The following TGFB2 variants were observed in gnomAD, a reference collection of about 807,000 sequenced individuals.
TGFB2 encodes the protein transforming growth factor beta-2 proprotein.
A neutral mutation model predicts 42.7 loss-of-function variants in TGFB2; 13 were observed. The ratio of observed to expected loss-of-function variants is 0.30; its 90% CI spans 0.20 to 0.48. The LOEUF is 0.48. Among genes scored for constraint, TGFB2 ranks in the 20% least tolerant of loss-of-function variants. TGFB2 has a pLI of 0.99. For missense variants in TGFB2, 390 were observed against 517.5 expected, an observed-to-expected ratio of 0.75 and a Z score of 2.39; for synonymous variants, 193 against 193.6, an observed-to-expected ratio of 1.00 and a Z score of 0.03.
chr1:218,423,547 G>A (rs1294511465), intron 2 of TGFB2, among the ~76,000 whole-genome samples: 1 of 152,130 alleles, frequency 6.6e-6, no homozygotes, highest in Admixed American at 6.5e-5. Flanking sequence ...ACTGGAGGAG[G>A]GAAAGGCATT....
At chr1:218,353,579 T>C (rs1355932561) in intron 1 of TGFB2, among the ~76,000 whole-genome samples, 2 of 152,242 alleles carry the variant, frequency 1.3e-5, no homozygotes, top group East Asian at 1.9e-4. Flanking sequence ...TTCTTCTACA[T>C]AGAGATCTAT....
chr1:218,364,046 T>C (rs921352126), intron 1 of TGFB2, among the ~76,000 whole-genome samples: 3 of 152,236 alleles, frequency 2.0e-5, no homozygotes, highest in African/African-American at 7.2e-5. Flanking sequence ...GTCTATTTTA[T>C]GTGTGGCCCA....
intron 1 of TGFB2, among the ~76,000 whole-genome samples, chr1:218,377,232 G>A (rs1024839460): frequency 3.9e-5 from 6 of 152,166 alleles, no homozygotes; most frequent in Non-Finnish European, 8.8e-5. Flanking sequence ...CTAGAACAAC[G>A]TGTATTTCTT....
chr1:218,363,555 G>A, intron 1 of TGFB2: 6 of 805,470 alleles, frequency 7.4e-6, no homozygotes, highest in Middle Eastern at 7.4e-4. Context: ...CGATCACAAA[G>A]GTGCCTAGAA....
At chr1:218,432,397 A>C (rs1659835200) in intron 2 of TGFB2, among the ~76,000 whole-genome samples, 1 of 152,188 alleles carries the variant, frequency 6.6e-6, no homozygotes. Context: ...CCACAGGGGC[A>C]GATCTGTAGA....
intron 1 of TGFB2, 97 bp downstream of exon 1, chr1:218,347,144 T>C: frequency 1.7e-6 from 2 of 1,171,870 alleles, no homozygotes; most frequent in South Asian, 2.9e-5. Context: ...CCTCTCGCGG[T>C]TCCCGTTCGC....
At chr1:218,404,073 C>T (rs895787239) in intron 1 of TGFB2, among the ~76,000 whole-genome samples, 1 of 137,660 alleles carries the variant, frequency 7.3e-6, no homozygotes, top group African/African-American at 2.8e-5. Flanking sequence ...AAAAAAAAAG[C>T]CAGCACAACT....
chr1:218,395,170 C>G (rs909475909), intron 1 of TGFB2, among the ~76,000 whole-genome samples: 1 of 152,140 alleles, frequency 6.6e-6, no homozygotes, highest in African/African-American at 2.4e-5. Flanking sequence ...CCACTGAGAA[C>G]AGCAGCACTA....
rs556846267 is a variant in TGFB2 at position 218,414,146 on chromosome 1, TG to T, written c.510+8818del. On this transcript the variant is annotated intron_variant, in intron 2 of 6. Transcript: ENST00000366930. ...ATTCTGATGCTGCAAAATTGAAAGG[TG>T]GGGTTTTTGTCATACCAGGGAGCAC... Among the ~76,000 whole-genome samples the T allele has an allele frequency of 2.5e-4, 38 of 152,078 alleles. 1 individual carries two copies. The South Asian group carries it at 5.8e-3, about 23-fold the overall frequency.
chr1:218,386,958 G>T (rs557589038), intron 1 of TGFB2, among the ~76,000 whole-genome samples: 2 of 152,040 alleles, frequency 1.3e-5, no homozygotes, highest in African/African-American at 4.8e-5. Context: ...TGCTGTTCCC[G>T]TCTATCAAGG....
intron 6 of TGFB2, among the ~76,000 whole-genome samples, chr1:218,440,817 G>A (rs1045664792): frequency 6.6e-6 from 1 of 152,170 alleles, no homozygotes; most frequent in East Asian, 1.9e-4. Context: ...CATTTACAGA[G>A]TAGTGTAGAA....
rs532050232 is a variant in TGFB2 at position 218,365,792 on chromosome 1, C to T, written c.346+18745C>T. ...CATGCTGAGTGTGATTCTGAACACT[C>T]GTTAAGTGAAGTTGGCCTGTGCCAA... On this transcript the variant is annotated intron_variant, in intron 1 of 6. Transcript: ENST00000366930. 3.3e-5 allele frequency among the ~76,000 whole-genome samples: 5 copies of T among 152,252 alleles called. No individual in the cohort carries two copies. In the East Asian group the frequency reaches 9.7e-4, roughly 29 times the overall value.
At chr1:218,399,881 G>C (rs1658656504) in intron 1 of TGFB2, among the ~76,000 whole-genome samples, 1 of 152,146 alleles carries the variant, frequency 6.6e-6, no homozygotes, top group Admixed American at 6.5e-5. Flanking sequence ...GGAGGAAACT[G>C]TGTGGAAATT....
At chr1:218,416,947 T>A (rs909872523) in intron 2 of TGFB2, among the ~76,000 whole-genome samples, 1 of 152,246 alleles carries the variant, frequency 6.6e-6, no homozygotes, top group African/African-American at 2.4e-5. Context: ...CTGCCATGAC[T>A]GTGAGGCCTC....
intron 4 of TGFB2, among the ~76,000 whole-genome samples, chr1:218,434,763 A>G (rs1039533529): frequency 6.6e-6 from 1 of 152,142 alleles, no homozygotes; most frequent in Non-Finnish European, 1.5e-5. Context: ...ATCTATACTG[A>G]TATTATAGAG....
intron 2 of TGFB2, among the ~76,000 whole-genome samples, chr1:218,405,974 C>T (rs1433958952): frequency 6.6e-6 from 1 of 152,060 alleles, no homozygotes; most frequent in East Asian, 1.9e-4. Flanking sequence ...TAATGTAGGT[C>T]CGATTTCTTC....
intron 1 of TGFB2, among the ~76,000 whole-genome samples, chr1:218,392,784 G>A (rs1230147299): frequency 6.6e-6 from 1 of 152,298 alleles, no homozygotes; most frequent in East Asian, 1.9e-4. Context: ...TCCAGACCAT[G>A]TATTCCTCTT....
intron 6 of TGFB2, among the ~76,000 whole-genome samples, chr1:218,437,902 C>T (rs1660022874): frequency 1.3e-5 from 2 of 152,044 alleles, no homozygotes; most frequent in African/African-American, 4.8e-5. Flanking sequence ...TATTTTGATA[C>T]ATGTATACAA....
At chr1:218,433,609 C>T (rs1400024427) in intron 2 of TGFB2, among the ~76,000 whole-genome samples, 1 of 152,200 alleles carries the variant, frequency 6.6e-6, no homozygotes, top group African/African-American at 2.4e-5. Context: ...TAGGACCGTT[C>T]TTTCTTTATT....
Sources: allele counts gnomAD v4.1 joint callset (sites outside exome capture counted in the v4.1 genomes callset), GRCh38; gene constraint gnomAD v4.1.1; transcripts MANE v1.5; gene names NCBI Gene and HGNC (gene_info 2026-07-23, HGNC 2026-07-21).